Variants in GAN observed in about 807,000 individuals in gnomAD.
GAN encodes gigaxonin.
Under a neutral mutation model 71.3 loss-of-function variants are expected in GAN, and 48 were observed. The observed-to-expected ratio is 0.67, with a 90% CI of 0.53 to 0.86. The LOEUF is 0.86. Among genes scored for constraint, GAN ranks in the 40% least tolerant of loss-of-function variants. The pLI, the probability that GAN is intolerant of heterozygous loss-of-function variation, is 0.00. For missense variants in GAN, 928 were observed against 770.1 expected, an observed-to-expected ratio of 1.21 and a Z score of -2.43; for synonymous variants, 386 against 276.8, an observed-to-expected ratio of 1.39 and a Z score of -3.92.
intron 1 of GAN, among the ~76,000 whole-genome samples, chr16:81,332,332 G>C (rs1909609843): frequency 6.6e-6 from 1 of 152,160 alleles, no homozygotes. Context: ...TTCAGCAACT[G>C]GGCTTGTGGA....
intron 1 of GAN, among the ~76,000 whole-genome samples, chr16:81,324,559 G>C (rs9888791): frequency 6.6e-6 from 1 of 151,964 alleles, no homozygotes; most frequent in Non-Finnish European, 1.5e-5. Context: ...GGATGGCATC[G>C]ACAACAGATT....
intron 7 of GAN, among the ~76,000 whole-genome samples, chr16:81,364,216 C>A (rs1174205897): frequency 6.6e-6 from 1 of 152,106 alleles, no homozygotes; most frequent in Non-Finnish European, 1.5e-5. Context: ...GGTGCAGCAG[C>A]CACATCTTCC....
At chr16:81,376,096 A>AT (rs1455875258) in intron 9 of GAN, among the ~76,000 whole-genome samples, 1 of 152,144 alleles carries the variant, frequency 6.6e-6, no homozygotes, top group African/African-American at 2.4e-5. Context: ...TAATACTCAG[A>AT]TCTCACAGTG....
At chr16:81,343,588 CAATA>C (rs1687225626) in intron 1 of GAN, among the ~76,000 whole-genome samples, 2 of 152,144 alleles carry the variant, frequency 1.3e-5, no homozygotes, top group South Asian at 4.1e-4. Context: ...TAAAAACTCT[CAATA>C]AACTAGGTAT....
chr16:81,361,950 A>C (rs1387891518), intron 5 of GAN, among the ~76,000 whole-genome samples: 1 of 152,228 alleles, frequency 6.6e-6, no homozygotes, highest in African/African-American at 2.4e-5. Flanking sequence ...TTGGCTTCCA[A>C]AAGTGCTGAG....
At chr16:81,373,558 T>A (rs1366497820) in intron 9 of GAN, among the ~76,000 whole-genome samples, 1 of 152,218 alleles carries the variant, frequency 6.6e-6, no homozygotes, top group Non-Finnish European at 1.5e-5. Flanking sequence ...ACATCTTACA[T>A]GACCGTAGTA....
chr16:81,351,618 G>C lies in GAN; in HGVS notation c.203G>C (p.Gly68Ala). 1 of 1,550,544 alleles carries C rather than the reference G, an allele frequency of 6.4e-7. No homozygotes were observed. The highest frequency in any genetic ancestry group is 8.9e-7 in the Non-Finnish European group (1 of 1,121,980). Residue 68 changes from glycine (G) to alanine (A), a missense_variant, in exon 2 of 11, where the codon GGA (glycine) becomes GCA (alanine). By Grantham distance (60) the Gly-to-Ala change is moderately conservative. Coordinates refer to ENST00000648994, the MANE Select transcript of GAN (RefSeq NM_022041.4). The part of the protein sequence containing the change: ...KLNYNPPKDD[G>A]STYKIELEGI... The stretch of plus-strand genomic sequence containing the variant: ...AACTATAATCCTCCAAAAGATGATG[G>C]ATCAACTTATAAGATTGAACTTGAA...
At chr16:81,331,382 C>T (rs966217598) in intron 1 of GAN, among the ~76,000 whole-genome samples, 5 of 152,020 alleles carry the variant, frequency 3.3e-5, no homozygotes, top group East Asian at 1.9e-4. Flanking sequence ...AAGGACACTG[C>T]GGGGGAAAAG....
At chr16:81,357,764 A>G in intron 4 of GAN, 46 bp from the exon 5 acceptor site, 3 of 1,575,292 alleles carry the variant, frequency 1.9e-6, no homozygotes, top group Non-Finnish European at 2.6e-6. Flanking sequence ...TATAAAAAGA[A>G]CTGTATGAAG....
chr16:81,329,249 C>A (rs1292135593), intron 1 of GAN, among the ~76,000 whole-genome samples: 1 of 151,810 alleles, frequency 6.6e-6, no homozygotes, highest in Non-Finnish European at 1.5e-5. Context: ...CAGTGCCTGG[C>A]GTGTAGGAGA....
At chr16:81,364,217 C>G (rs1433210289) in intron 7 of GAN, among the ~76,000 whole-genome samples, 1 of 152,140 alleles carries the variant, frequency 6.6e-6, no homozygotes, top group Non-Finnish European at 1.5e-5. Context: ...GTGCAGCAGC[C>G]ACATCTTCCC....
chr16:81,352,142 C>T (rs1910320371), intron 2 of GAN, among the ~76,000 whole-genome samples: 2 of 152,084 alleles, frequency 1.3e-5, no homozygotes, highest in South Asian at 4.2e-4. Flanking sequence ...TAGAGAGTTC[C>T]TTGTAGATCA....
intron 1 of GAN, among the ~76,000 whole-genome samples, chr16:81,331,889 G>A (rs769984604): frequency 1.1e-4 from 16 of 152,282 alleles, no homozygotes; most frequent in Non-Finnish European, 1.9e-4. Context: ...AAGGCCGGGC[G>A]TGGTGGCTCA....
chr16:81,340,226 A>G (rs1222478411), intron 1 of GAN, among the ~76,000 whole-genome samples: 2 of 152,222 alleles, frequency 1.3e-5, no homozygotes, highest in Non-Finnish European at 1.5e-5. Context: ...GGCGTGAGCC[A>G]CTGTGCCCAG....
chr16:81,323,549 G>C (rs1909285337), intron 1 of GAN, among the ~76,000 whole-genome samples: 1 of 152,194 alleles, frequency 6.6e-6, no homozygotes, highest in Non-Finnish European at 1.5e-5. Flanking sequence ...TGCAGTTCAA[G>C]AATTAGCATT....
At position 81,383,456 on chromosome 16, in the gene GAN, G is replaced by A. The variant is rs1243543207; in HGVS notation, c.*5860G>A. On this transcript the variant is annotated 3_prime_UTR_variant, in exon 11 of 11. Transcript: ENST00000648994. ...TTTAGTAGAGACGGGGTTTCACCAT[G>A]TTAGCCAGCATGGTCTCGATCTCCT... 1 of 150,932 alleles carries A rather than the reference G, an allele frequency of 6.6e-6. No homozygotes were observed. Among genetic ancestry groups the A allele is most frequent in the Non-Finnish European group, 1.5e-5 (1 of 67,814 alleles). The allele number at this position is 150,932 out of a possible 1,614,324, so 9.3% of individuals were successfully genotyped here.
chr16:81,321,061 G>T (rs1221942232), intron 1 of GAN, among the ~76,000 whole-genome samples: 1 of 152,124 alleles, frequency 6.6e-6, no homozygotes, highest in Non-Finnish European at 1.5e-5. Flanking sequence ...CTAAGCACTT[G>T]TAAATTTCAA....
chr16:81,341,344 C>T (rs1291430205), intron 1 of GAN, among the ~76,000 whole-genome samples: 2 of 151,900 alleles, frequency 1.3e-5, no homozygotes, highest in South Asian at 4.2e-4. Context: ...CATAGATTCA[C>T]CAAGGTTGAA....
At position 81,360,267 on chromosome 16, in the gene GAN, C is replaced by G. The variant is rs1436461394; in HGVS notation, c.974-2232C>G. On this transcript the variant is annotated intron_variant, in intron 5 of 10. Coordinates refer to ENST00000648994, the MANE Select transcript of GAN (RefSeq NM_022041.4). ...AATATGGGTCTTTTGGTGGACAACTCTCAGATTTGATTGCCTGCAAATGTC... is the reference window on the plus strand; with the variant it reads ...AATATGGGTCTTTTGGTGGACAACTGTCAGATTTGATTGCCTGCAAATGTC... Among the ~76,000 whole-genome samples the G allele has an allele frequency of 1.3e-4, 20 of 152,180 alleles. 1 individual carries two copies. The highest frequency in any genetic ancestry group is 1.3e-3 in the Admixed American group (20 of 15,284).
Sources: allele counts gnomAD v4.1 joint callset (sites outside exome capture counted in the v4.1 genomes callset), GRCh38; gene constraint gnomAD v4.1.1; transcripts MANE v1.5; gene names NCBI Gene and HGNC (gene_info 2026-07-23, HGNC 2026-07-21).